KDM5A: variants seen among roughly 807,000 people sequenced by gnomAD.
KDM5A encodes lysine demethylase 5A, also known as lysine-specific demethylase 5A.
KDM5A carries 42 observed loss-of-function variants against 193.5 expected under a neutral mutation model. The ratio of observed to expected loss-of-function variants is 0.22; its 90% CI spans 0.17 to 0.28. KDM5A has a LOEUF of 0.28. Ranked by LOEUF, KDM5A falls within the 10% of genes least tolerant of loss-of-function variation. The pLI is 1.00. For synonymous variants in KDM5A, 796 were observed against 718.1 expected (o/e 1.11, Z -1.73); for missense variants, 1,692 against 2,055.1 (o/e 0.82, Z 3.42).
chr12:358,542 A>C lies in KDM5A; in HGVS notation c.673-2005T>G, dbSNP rs1944254078. On this transcript the variant is annotated intron_variant, in intron 5 of 27. Transcript: ENST00000399788. ...TATGCCATATCTAAGTACTTTAATCAATTAGTCCTTACAACAACCTTTTCA... is the reference window on the plus strand; with the variant it reads ...TATGCCATATCTAAGTACTTTAATCCATTAGTCCTTACAACAACCTTTTCA... 2.0e-5 allele frequency among the ~76,000 whole-genome samples: 3 copies of C among 152,260 alleles called. No homozygotes were observed. The South Asian group carries it at 6.2e-4, about 31-fold the overall frequency.
In KDM5A at chr12:318,451, T is replaced by C. The variant is rs770540191; in HGVS notation, c.2552A>G (p.Asp851Gly). The change falls in exon 19 of 28, where the codon GAT becomes GGT. Residue 851 changes from aspartate (D) to glycine (G), a missense_variant. By Grantham distance (94) the Asp-to-Gly change is moderately conservative. This residue lies in a region of KDM5A where 965 missense variants were observed against 1,061.0 expected (regional missense o/e 0.91). Transcript: ENST00000399788. ...ACGTTCATGAAACTCTTCCACATCA[T>C]CTAGCAGATTCTGAAAAGGTCAAAA... ...SQARQVKNLLDDVEEFHERAQ... is the reference protein window; with the variant it reads ...SQARQVKNLLGDVEEFHERAQ... 1 of 1,610,768 alleles carries C rather than the reference T, an allele frequency of 6.2e-7. No homozygotes were observed. The highest frequency in any genetic ancestry group is 1.1e-5 in the South Asian group (1 of 91,008).
Position 323,210 on chromosome 12 carries a change from CAAAAAAAAAAAAAAAAA to C in KDM5A, c.2151-21_2151-5del, listed in dbSNP as rs60377454. 184 of 297,102 alleles carry C rather than the reference CAAAAAAAAAAAAAAAAA, an allele frequency of 6.2e-4. No individual in the cohort carries two copies. The highest frequency in any genetic ancestry group is 7.6e-4 in the Non-Finnish European group (159 of 210,280). 18.4% of individuals were successfully genotyped at this position (297,102 alleles called of 1,614,324 possible). ...GTCTTCTAATGGGTAGCGATATCTA[CAAAAAAAAAAAAAAAAA>C]AAAAAAAAAAAAGAAAACAGAAATA... On this transcript the variant is annotated splice_polypyrimidine_tract_variant and splice_region_variant and intron_variant, in intron 15 of 27. Transcript: ENST00000399788.
intron 27 of KDM5A, among the ~76,000 whole-genome samples, chr12:291,893 A>C (rs1207181826): frequency 6.6e-6 from 1 of 151,446 alleles, no homozygotes; most frequent in Non-Finnish European, 1.5e-5. Flanking sequence ...GGAAATTTTA[A>C]AACAATGCTT....
chr12:378,869 G>A (rs558733551), intron 3 of KDM5A, among the ~76,000 whole-genome samples: 1 of 150,322 alleles, frequency 6.7e-6, no homozygotes, highest in African/African-American at 2.5e-5. Context: ...TGAGGCGGGA[G>A]AATGTCATGA....
chr12:335,759 G>A (rs910912389), intron 10 of KDM5A, among the ~76,000 whole-genome samples: 20 of 152,068 alleles, frequency 1.3e-4, no homozygotes, highest in Non-Finnish European at 1.8e-4. Flanking sequence ...ACAGAGAGGC[G>A]GGCTGGGCAC....
rs922181899 is a variant in KDM5A at position 315,698 on chromosome 12, G to C, written c.2897+2408C>G. Among the ~76,000 whole-genome samples the C allele has an allele frequency of 2.0e-5, 3 of 152,124 alleles. No individual in the cohort carries two copies. The South Asian group carries it at 6.2e-4, about 32-fold the overall frequency. On this transcript the variant is annotated intron_variant, in intron 19 of 27. Transcript: ENST00000399788. ...AAATATAATCAGCATGACTGAGTTT[G>C]AGGATAAAGAAGAAGGGAAGAGTCA...
At chr12:294,586 T>C (rs2137367930) in intron 26 of KDM5A, among the ~76,000 whole-genome samples, 1 of 152,340 alleles carries the variant, frequency 6.6e-6, no homozygotes, top group South Asian at 2.1e-4. Context: ...CTATCTAAAT[T>C]AGGCTACCTA....
chr12:378,275 C>CT lies in KDM5A; in HGVS notation c.366+5755dup, dbSNP rs962569210. 2.6e-3 allele frequency among the ~76,000 whole-genome samples: 378 copies of CT among 147,882 alleles called. 1 individual carries two copies. Among genetic ancestry groups the CT allele is most frequent in the African/African-American group, 8.2e-3 (331 of 40,520 alleles). ...GATGCTGATTTTCATTTTAAGCCCCCTTTTTTTTTTAAAGACAGGGTCTTA... is the reference window on the plus strand; with the variant it reads ...GATGCTGATTTTCATTTTAAGCCCCCTTTTTTTTTTTAAAGACAGGGTCTTA... On this transcript the variant is annotated intron_variant, in intron 3 of 27. Transcript: ENST00000399788.
intron 20 of KDM5A, 55 bp from the exon 21 acceptor site, chr12:311,119 T>C (rs1325341424): frequency 5.2e-6 from 8 of 1,533,222 alleles, no homozygotes; most frequent in Admixed American, 1.7e-5. Context: ...GGTTTGGCAA[T>C]ATACTGTTGA....
chr12:289,903 C>CTTTTTTTTTTTTTTTTTT (rs1943269398), intron 27 of KDM5A, among the ~76,000 whole-genome samples: 1 of 106,740 alleles, frequency 9.4e-6, no homozygotes, highest in African/African-American at 4.0e-5. Context: ...TTTTTTCTTT[C>CTTTTTTTTTTTTTTTTTT]TTTCTTTTTT....
At chr12:335,554 G>T (rs746912301) in intron 10 of KDM5A, among the ~76,000 whole-genome samples, 1 of 152,088 alleles carries the variant, frequency 6.6e-6, no homozygotes, top group African/African-American at 2.4e-5. Context: ...TGGCAGGGGT[G>T]GGGGTAGGGT....
At chr12:382,265 C>T (rs2137496534) in intron 3 of KDM5A, among the ~76,000 whole-genome samples, 1 of 152,160 alleles carries the variant, frequency 6.6e-6, no homozygotes, top group South Asian at 2.1e-4. Flanking sequence ...AACCCTGTCT[C>T]TACTAACAAT....
rs1290989613 is a variant in KDM5A at position 284,437 on chromosome 12, T to C, written c.*1019A>G. On this transcript the variant is annotated 3_prime_UTR_variant, in exon 28 of 28. Transcript: ENST00000399788. ...ATTCAACAGCATCTGCTGTGGGCCG[T>C]AGTTAGAAATCACCAGTGTTGGAAA... 1.7e-5 allele frequency: 4 copies of C among 231,948 alleles called. No homozygotes were observed. Among genetic ancestry groups the C allele is most frequent in the Admixed American group, 5.7e-5 (1 of 17,696 alleles). The allele number at this position is 231,948 out of a possible 1,614,324, so 14.4% of individuals were successfully genotyped here. A position where few individuals can be genotyped will look rare whatever the true frequency, so the allele number is the denominator to read the frequency against.
At position 354,091 on chromosome 12, in the gene KDM5A, A is replaced by G; in HGVS notation, c.1014T>C (p.Pro338=). The G allele has an allele frequency of 1.2e-6, 2 of 1,613,964 alleles. No individual in the cohort carries two copies. The highest frequency in any genetic ancestry group is 1.7e-6 in the Non-Finnish European group (2 of 1,179,846). ...AGACGTGTACCTCGGCGACACATTT[A>G]GGACACCTCCAGTCTCCTTTGGGCA... The part of the protein sequence containing the change: ...PDVPKGDWRC[P]KCVAEECSKP... The change falls in exon 8 of 28, where the codon CCT becomes CCC. Residue 338 remains proline, a synonymous_variant. Coordinates refer to ENST00000399788, the MANE Select transcript of KDM5A (RefSeq NM_001042603.3).
Position 297,078 on chromosome 12 carries a change from C to T in KDM5A, c.4197G>A (p.Glu1399=), listed in dbSNP as rs368675098. The T allele has an allele frequency of 3.1e-6, 5 of 1,614,012 alleles. No individual in the cohort carries two copies. Among genetic ancestry groups the T allele is most frequent in the East Asian group, 4.5e-5 (2 of 44,824 alleles). ...TCTTAGAAGCAGAAGAATAAGCATG[C>T]TCTGCACAAAATGAAGGTGCTGTCC... The part of the protein sequence containing the change: ...HMWTAPSFCA[E]HAYSSASKSC... Residue 1399 remains glutamate, a synonymous_variant, in exon 25 of 28, where the codon GAG becomes GAA. Transcript: ENST00000399788.
At chr12:286,814 G>A (rs968159912) in intron 27 of KDM5A, among the ~76,000 whole-genome samples, 1 of 152,020 alleles carries the variant, frequency 6.6e-6, no homozygotes, top group Non-Finnish European at 1.5e-5. Context: ...ATAAGGGGTG[G>A]GAAAAATAAT....
chr12:304,882 G>C (rs530588926), intron 24 of KDM5A, among the ~76,000 whole-genome samples: 4 of 152,252 alleles, frequency 2.6e-5, no homozygotes, highest in Non-Finnish European at 4.4e-5. Context: ...AATATCAAAG[G>C]CCTCTAACTA....
intron 9 of KDM5A, among the ~76,000 whole-genome samples, chr12:351,427 T>C (rs1291102524): frequency 1.3e-5 from 2 of 152,178 alleles, no homozygotes; most frequent in African/African-American, 2.4e-5. Flanking sequence ...CCATGGTATA[T>C]ATGTGCCACA....
rs946084635 is a variant in KDM5A, at chr12:285,274, T to C, written c.*182A>G. ...AAAGAAGACACCCTCTGCATAGATA[T>C]GTTGATAGAGAATGTAACCCACAGA... On this transcript the variant is annotated 3_prime_UTR_variant, in exon 28 of 28. Coordinates refer to ENST00000399788, the MANE Select transcript of KDM5A (RefSeq NM_001042603.3). 4.9e-6 allele frequency: 3 copies of C among 617,948 alleles called. No individual in the cohort carries two copies. The highest frequency in any genetic ancestry group is 2.7e-5 in the East Asian group (1 of 36,600). The allele number at this position is 617,948 out of a possible 1,614,324, so 38.3% of individuals were successfully genotyped here.
Sources: allele counts gnomAD v4.1 joint callset (sites outside exome capture counted in the v4.1 genomes callset), GRCh38; gene constraint gnomAD v4.1.1; regional missense constraint gnomAD v4.1.1; transcripts MANE v1.5; gene names NCBI Gene and HGNC (gene_info 2026-07-23, HGNC 2026-07-21).